Variants in CAMSAP1 observed in about 807,000 individuals in gnomAD.
CAMSAP1 encodes the protein calmodulin regulated spectrin associated protein 1.
CAMSAP1 carries 58 observed loss-of-function variants against 143.5 expected under a neutral mutation model. The ratio of observed to expected loss-of-function variants is 0.40; its 90% confidence interval spans 0.33 to 0.50. The LOEUF is 0.50. Among genes scored for constraint, CAMSAP1 ranks in the 20% least tolerant of loss-of-function variants. CAMSAP1 has a pLI of 0.45. For synonymous variants in CAMSAP1, 945 were observed against 859.3 expected, an observed-to-expected ratio of 1.10 and a Z score of -1.74; for missense variants, 1,969 against 2,115.7, an observed-to-expected ratio of 0.93 and a Z score of 1.36.
rs1835722180 is a variant in CAMSAP1 at position 135,827,593 on chromosome 9, A to G, written c.1046-9T>C. 2 of 1,550,600 alleles carry G rather than the reference A, an allele frequency of 1.3e-6. No homozygotes were observed. The highest frequency in any genetic ancestry group is 2.7e-5 in the African/African-American group (2 of 73,502). On this transcript the variant is annotated splice_polypyrimidine_tract_variant and intron_variant, in intron 7 of 16. Transcript: ENST00000389532. ...GTGTAACACTGTTTTCGCTGCAGAA[A>G]TAGCGTTTTTGCATCGTTACTTACA...
rs1221764806 is a variant in CAMSAP1 at position 135,823,224 on chromosome 9, G to A, written c.1437C>T (p.His479=). 6 of 1,569,130 alleles carry A rather than the reference G, an allele frequency of 3.8e-6. No individual in the cohort carries two copies. Among genetic ancestry groups the A allele is most frequent in the African/African-American group, 2.7e-5 (2 of 73,962 alleles). Residue 479 remains histidine (H), a synonymous_variant, in exon 11 of 17, where the codon CAC becomes CAT. Transcript: ENST00000389532. ...ASQPTPFALH[H]AASCEVDPSS... is the part of the protein sequence containing the mutation. Reference sequence around the variant, plus strand: ...TGGGATCCACTTCACAACTCGCAGCGTGATGTAGAGCAAAAGGTGTTGGCT... The same window carrying A: ...TGGGATCCACTTCACAACTCGCAGCATGATGTAGAGCAAAAGGTGTTGGCT...
At chr9:135,848,896 C>T (rs1836672270) in intron 7 of CAMSAP1, among the ~76,000 whole-genome samples, 1 of 152,252 alleles carries the variant, frequency 6.6e-6, no homozygotes, top group African/African-American at 2.4e-5. Flanking sequence ...CTGGGTAACA[C>T]TGAAGAGCTT....
At chr9:135,857,717 T>C (rs1170330689) in intron 5 of CAMSAP1, among the ~76,000 whole-genome samples, 2 of 152,180 alleles carry the variant, frequency 1.3e-5, no homozygotes, top group Non-Finnish European at 2.9e-5. Flanking sequence ...CTGAGGCCGA[T>C]TTCTGCAGAG....
chr9:135,841,975 A>G (rs1664778211), intron 7 of CAMSAP1, among the ~76,000 whole-genome samples: 1 of 152,226 alleles, frequency 6.6e-6, no homozygotes, highest in African/African-American at 2.4e-5. Flanking sequence ...CCAGCAAGGG[A>G]ACAAAGCTGG....
At chr9:135,890,085 G>A (rs1202928457) in intron 1 of CAMSAP1, among the ~76,000 whole-genome samples, 1 of 152,158 alleles carries the variant, frequency 6.6e-6, no homozygotes, top group Non-Finnish European at 1.5e-5. Flanking sequence ...GGTGGACCCT[G>A]TGCTAGGCCA....
At chr9:135,861,420 C>A (rs1257737118) in intron 5 of CAMSAP1, among the ~76,000 whole-genome samples, 2 of 150,714 alleles carry the variant, frequency 1.3e-5, no homozygotes, top group African/African-American at 4.9e-5. Flanking sequence ...TCAGACAATT[C>A]TCCTGTTTCA....
chr9:135,856,606 G>A (rs1195324982), intron 5 of CAMSAP1, among the ~76,000 whole-genome samples: 1 of 152,188 alleles, frequency 6.6e-6, no homozygotes, highest in African/African-American at 2.4e-5. Flanking sequence ...CAAGCACAGT[G>A]CAGGTGGTCC....
rs1292506736 is a variant in CAMSAP1, at chr9:135,866,267, G to C, written c.666+189C>G. 4 of 551,084 alleles carry C rather than the reference G, an allele frequency of 7.3e-6. No individual in the cohort carries two copies. In the Admixed American group the frequency reaches 1.3e-4, roughly 17 times the overall value. 34.1% of individuals were successfully genotyped at this position (551,084 alleles called of 1,614,324 possible). Reference sequence around the variant, plus strand: ...AAAACACCCCTTCCCAGGAGAGGCGGGGCAGGCTGCCGTGGTCACATCTCA... The same window carrying C: ...AAAACACCCCTTCCCAGGAGAGGCGCGGCAGGCTGCCGTGGTCACATCTCA... On this transcript the variant is annotated intron_variant, in intron 4 of 16. Coordinates refer to ENST00000389532, the MANE Select transcript of CAMSAP1 (RefSeq NM_015447.4).
At chr9:135,812,993 T>A (rs1835105229) in intron 16 of CAMSAP1, among the ~76,000 whole-genome samples, 1 of 151,996 alleles carries the variant, frequency 6.6e-6, no homozygotes, top group Non-Finnish European at 1.5e-5. Flanking sequence ...TATGACAAAC[T>A]GCTGATGCCT....
In CAMSAP1 at chr9:135,821,410, A is replaced by ACGG; in HGVS notation, c.3250_3251insCCG (p.Gly1083_Val1084insAla). The ACGG allele has an allele frequency of 6.2e-7, 1 of 1,613,996 alleles. No homozygotes were observed. The highest frequency in any genetic ancestry group is 2.2e-5 in the East Asian group (1 of 44,872). On this transcript the variant is annotated inframe_insertion, in exon 11 of 17. Coordinates refer to ENST00000389532, the MANE Select transcript of CAMSAP1 (RefSeq NM_015447.4). This position sits in a 1 kb window ranked among gnomAD's most constrained non-coding sequence, Gnocchi z 4.6. The stretch of plus-strand genomic sequence containing the variant: ...CCGGGGGGCTTTGCGGTGGCCAGCC[A>ACGG]CGCCCGTGGGAGAGAGTGGCTCCAC...
chr9:135,859,517 C>T (rs1226747695), intron 5 of CAMSAP1, among the ~76,000 whole-genome samples: 6 of 152,210 alleles, frequency 3.9e-5, no homozygotes, highest in Admixed American at 2.0e-4. Flanking sequence ...CTCAGCCTCC[C>T]GAGTAGCTGA....
chr9:135,907,254 G>A lies in CAMSAP1; in HGVS notation c.-95C>T, dbSNP rs1031745692. ...CCGGTGCGCCCCGAGCCACCACTCG[G>A]CCCCGCAGCCGGCCAGCCGGGAGGG... On this transcript the variant is annotated 5_prime_UTR_variant, in exon 1 of 17. Transcript: ENST00000389532. 64 of 838,698 alleles carry A rather than the reference G, an allele frequency of 7.6e-5. No homozygotes were observed. The highest frequency in any genetic ancestry group is 8.6e-5 in the Non-Finnish European group (60 of 694,322). 52.0% of individuals were successfully genotyped at this position (838,698 alleles called of 1,614,324 possible). A position where few individuals can be genotyped will look rare whatever the true frequency, so the allele number is the denominator to read the frequency against.
chr9:135,861,903 G>A (rs1837206872), intron 5 of CAMSAP1, among the ~76,000 whole-genome samples: 1 of 152,200 alleles, frequency 6.6e-6, no homozygotes, highest in East Asian at 1.9e-4. Context: ...CGTTGTTAGG[G>A]TGTAAACACC....
At chr9:135,889,135 GCCACAGC>G (rs1283108732) in intron 1 of CAMSAP1, among the ~76,000 whole-genome samples, 3 of 152,268 alleles carry the variant, frequency 2.0e-5, no homozygotes, top group Admixed American at 6.5e-5. Context: ...CACTCTGAGG[GCCACAGC>G]CCACAGCCCA....
chr9:135,903,355 G>A (rs1171901745), intron 1 of CAMSAP1, among the ~76,000 whole-genome samples: 1 of 152,198 alleles, frequency 6.6e-6, no homozygotes, highest in East Asian at 1.9e-4. Flanking sequence ...TGCAAACACT[G>A]TCAATGAAAC....
chr9:135,856,364 C>T (rs539176639), intron 5 of CAMSAP1, among the ~76,000 whole-genome samples: 57 of 152,290 alleles, frequency 3.7e-4, no homozygotes, highest in African/African-American at 1.3e-3. Context: ...TTCACTACCA[C>T]GAGAACAGTA....
Position 135,818,424 on chromosome 9 carries a change from G to C in CAMSAP1, c.4152C>G (p.Thr1384=). The change falls in exon 13 of 17, where the codon ACC becomes ACG. Residue 1384 remains threonine (T), a synonymous_variant. Coordinates refer to ENST00000389532, the MANE Select transcript of CAMSAP1 (RefSeq NM_015447.4). This position sits in a 1 kb window ranked among gnomAD's most constrained non-coding sequence, Gnocchi z 7.7. ...HREESCSDSG[T]KCSSTPDNLS... ...GCTGCTTACGGGTGGAGGAGCACTT[G>C]GTGCCGGAGTCGCTGCACGACTCTT... The C allele has an allele frequency of 1.3e-6, 2 of 1,587,630 alleles. No homozygotes were observed. Among genetic ancestry groups the C allele is most frequent in the Non-Finnish European group, 1.7e-6 (2 of 1,172,536 alleles).
At chr9:135,870,564 C>A (rs953879594) in intron 3 of CAMSAP1, among the ~76,000 whole-genome samples, 1 of 152,098 alleles carries the variant, frequency 6.6e-6, no homozygotes, top group African/African-American at 2.4e-5. Context: ...GAGCCCGAGG[C>A]AGATGGATCA....
At chr9:135,844,808 G>C (rs1305782670) in intron 7 of CAMSAP1, among the ~76,000 whole-genome samples, 1 of 152,044 alleles carries the variant, frequency 6.6e-6, no homozygotes. Flanking sequence ...ACCCTCCCAA[G>C]ACTAAACCAG....
Sources: allele counts gnomAD v4.1 joint callset (sites outside exome capture counted in the v4.1 genomes callset), GRCh38; gene constraint gnomAD v4.1.1; non-coding constraint Gnocchi (gnomAD v3.1); transcripts MANE v1.5; gene names NCBI Gene and HGNC (gene_info 2026-07-23, HGNC 2026-07-21).